USP45: variants seen among roughly 807,000 people sequenced by gnomAD.
USP45 encodes the protein ubiquitin specific peptidase 45.
In USP45, 89 loss-of-function variants were observed where a neutral mutation model predicts 95.8. The observed-to-expected ratio is 0.93, with a 90% CI of 0.78 to 1.11. The LOEUF (loss-of-function observed/expected upper bound fraction) is 1.11, where lower values mean the gene tolerates loss of function less well. Among genes scored for constraint, USP45 ranks in the 50% least tolerant of loss-of-function variants. The pLI is 0.00. For missense variants in USP45, 898 were observed against 942.5 expected (o/e 0.95, Z 0.62); for synonymous variants, 281 against 316.2 (o/e 0.89, Z 1.18).
Position 99,446,382 on chromosome 6 carries a change from C to G in USP45, c.1390G>C (p.Glu464Gln). The part of the protein sequence containing the change: ...TVTYQKNENL[E>Q]MNGDSLMFAS... The stretch of plus-strand genomic sequence containing the variant: ...AACATTAAAGAATCCCCATTCATTT[C>G]AAGGTTTTCATTTTTCTGGTATGTG... The change falls in exon 14 of 18, where the codon GAA (glutamate) becomes CAA (glutamine). Residue 464 changes from glutamate to glutamine, a missense_variant. By Grantham distance (29) the Glu-to-Gln change is conservative. Coordinates refer to ENST00000500704, the MANE Select transcript of USP45 (RefSeq NM_001346022.3). 1 of 1,614,140 alleles carries G rather than the reference C, an allele frequency of 6.2e-7. No homozygotes were observed. Among genetic ancestry groups the G allele is most frequent in the Middle Eastern group, 1.6e-4 (1 of 6,062 alleles).
intron 13 of USP45, among the ~76,000 whole-genome samples, chr6:99,455,089 C>CAAAAAAAAA (rs56978977): frequency 3.2e-5 from 4 of 126,692 alleles, no homozygotes; most frequent in Non-Finnish European, 4.8e-5. Context: ...CACTCCATCT[C>CAAAAAAAAA]AAAAAAAAAA....
intron 14 of USP45, among the ~76,000 whole-genome samples, chr6:99,445,224 C>T (rs79059358): frequency 6.6e-6 from 1 of 152,162 alleles, no homozygotes; most frequent in Non-Finnish European, 1.5e-5. Flanking sequence ...GTGGCTCACA[C>T]CTGTAATCTC....
chr6:99,444,104 C>G lies in USP45; in HGVS notation c.1976-442G>C, dbSNP rs566148811. On this transcript the variant is annotated intron_variant, in intron 14 of 17. Transcript: ENST00000500704. ...ATGGCTCACTGTAGCCTTGACCTCC[C>G]AGGCACAAGCAATCCTCCCACCTCA... Among the ~76,000 whole-genome samples the G allele has an allele frequency of 6.6e-5, 10 of 152,122 alleles. No homozygotes were observed. In the East Asian group the frequency reaches 1.9e-3, roughly 29 times the overall value.
At chr6:99,450,276 T>C (rs1783557689) in intron 13 of USP45, among the ~76,000 whole-genome samples, 1 of 151,392 alleles carries the variant, frequency 6.6e-6, no homozygotes, top group Non-Finnish European at 1.5e-5. Context: ...ACAAAATCGA[T>C]AAACCACTAG....
intron 13 of USP45, among the ~76,000 whole-genome samples, chr6:99,449,331 C>G (rs1248727731): frequency 1.3e-5 from 2 of 152,016 alleles, no homozygotes; most frequent in Non-Finnish European, 2.9e-5. Context: ...GAAGATCTAC[C>G]AAGCAAATGG....
intron 9 of USP45, among the ~76,000 whole-genome samples, chr6:99,474,069 A>C (rs1187979386): frequency 6.6e-6 from 1 of 152,222 alleles, no homozygotes; most frequent in Admixed American, 6.5e-5. Flanking sequence ...GTTTTATAGC[A>C]GGAGAGAGTA....
Position 99,435,719 on chromosome 6 carries a change from T to TAATA in USP45, c.2438_2441dup (p.Leu814PhefsTer30). ...AAATAATCATTACCATTAATAGTTA[T>TAATA]AATACTCTTTCATAGAAAAGAAGGT... is the stretch of plus-strand genomic sequence containing the variant. On this transcript the variant is annotated frameshift_variant, in exon 18 of 18. Transcript: ENST00000500704. LOFTEE classifies it high-confidence loss of function. The TAATA allele has an allele frequency of 6.2e-7, 1 of 1,611,738 alleles. No individual in the cohort carries two copies. The highest frequency in any genetic ancestry group is 1.3e-5 in the African/African-American group (1 of 74,980).
intron 1 of USP45, among the ~76,000 whole-genome samples, chr6:99,511,104 T>G (rs1799675269): frequency 6.6e-6 from 1 of 152,124 alleles, no homozygotes; most frequent in Admixed American, 6.5e-5. Flanking sequence ...CATGAAAAAT[T>G]TTAAACATCT....
At chr6:99,445,346 G>T (rs1782307879) in intron 14 of USP45, among the ~76,000 whole-genome samples, 1 of 152,062 alleles carries the variant, frequency 6.6e-6, no homozygotes, top group South Asian at 2.1e-4. Flanking sequence ...AGCTGGGCAT[G>T]GTGGTGGGCG....
chr6:99,466,452 T>C (rs775761763), intron 11 of USP45, among the ~76,000 whole-genome samples: 3 of 152,172 alleles, frequency 2.0e-5, no homozygotes, highest in Non-Finnish European at 4.4e-5. Flanking sequence ...AGGTGTGTCA[T>C]GAGGAAAAAT....
At position 99,435,488 on chromosome 6, in the gene USP45, G is replaced by T; in HGVS notation, c.*228C>A. ...AATTCTGGGAAGTTTTTGTACCCCA[G>T]AATAAATACCTGGAAACAAAATTCA... On this transcript the variant is annotated 3_prime_UTR_variant, in exon 18 of 18. Transcript: ENST00000500704. The T allele has an allele frequency of 2.9e-6, 1 of 345,016 alleles. No homozygotes were observed. Among genetic ancestry groups the T allele is most frequent in the Non-Finnish European group, 5.1e-6 (1 of 195,166 alleles). The allele number at this position is 345,016 out of a possible 1,614,324, so 21.4% of individuals were successfully genotyped here. A position where few individuals can be genotyped will look rare whatever the true frequency, so the allele number is the denominator to read the frequency against.
chr6:99,510,812 T>C (rs1476766047), intron 1 of USP45, among the ~76,000 whole-genome samples: 1 of 152,154 alleles, frequency 6.6e-6, no homozygotes, highest in Non-Finnish European at 1.5e-5. Context: ...CCCCTAAATA[T>C]ATGATGTCCA....
intron 1 of USP45, among the ~76,000 whole-genome samples, chr6:99,512,962 G>A (rs1254955388): frequency 6.6e-6 from 1 of 152,172 alleles, no homozygotes; most frequent in Non-Finnish European, 1.5e-5. Flanking sequence ...ACAAGAGGCT[G>A]CATCTCAACA....
At chr6:99,513,136 A>G (rs1800294776) in intron 1 of USP45, among the ~76,000 whole-genome samples, 1 of 152,164 alleles carries the variant, frequency 6.6e-6, no homozygotes, top group African/African-American at 2.4e-5. Flanking sequence ...AAATAGGTGA[A>G]CCGGAATACT....
intron 11 of USP45, 145 bp from the exon 12 acceptor site, chr6:99,465,281 G>T: frequency 1.9e-6 from 1 of 535,114 alleles, no homozygotes; most frequent in Non-Finnish European, 3.3e-6. Flanking sequence ...ATTTAATTGG[G>T]TATTGCAGCA....
intron 8 of USP45, among the ~76,000 whole-genome samples, chr6:99,480,945 T>A (rs1792255681): frequency 6.6e-6 from 1 of 152,096 alleles, no homozygotes; most frequent in South Asian, 2.1e-4. Context: ...AAAGGCAATT[T>A]AAAACTTTTC....
intron 13 of USP45, among the ~76,000 whole-genome samples, chr6:99,451,431 T>A (rs987823865): frequency 1.3e-5 from 2 of 152,156 alleles, no homozygotes; most frequent in African/African-American, 4.8e-5. Context: ...CCATTCACAA[T>A]TGCTTCAAAG....
chr6:99,495,964 T>C (rs1164612143), intron 5 of USP45, among the ~76,000 whole-genome samples: 1 of 152,204 alleles, frequency 6.6e-6, no homozygotes, highest in Non-Finnish European at 1.5e-5. Context: ...TGTTTTGTAG[T>C]ATCGATGAGG....
intron 7 of USP45, among the ~76,000 whole-genome samples, chr6:99,484,261 G>T: frequency 1.3e-5 from 2 of 151,298 alleles, no homozygotes; most frequent in Non-Finnish European, 2.9e-5. Context: ...TCAAACTCTT[G>T]GACCCAAGTG....
Sources: allele counts gnomAD v4.1 joint callset (sites outside exome capture counted in the v4.1 genomes callset), GRCh38; gene constraint gnomAD v4.1.1; transcripts MANE v1.5; gene names NCBI Gene and HGNC (gene_info 2026-07-23, HGNC 2026-07-21).